ZMYM2: variants seen among roughly 807,000 people sequenced by gnomAD.
ZMYM2 encodes the protein zinc finger MYM-type protein 2.
A neutral mutation model predicts 162.8 loss-of-function variants in ZMYM2; 56 were observed. The observed-to-expected ratio is 0.34, with a 90% CI of 0.28 to 0.43. The LOEUF (loss-of-function observed/expected upper bound fraction) is 0.43, where lower values mean the gene tolerates loss of function less well. Among genes scored for constraint, ZMYM2 ranks in the 20% least tolerant of loss-of-function variants. The probability of loss-of-function intolerance (pLI) is 1.00; values close to 1 mark genes in which losing one functional copy is unlikely to be tolerated. For missense variants in ZMYM2, 1,275 were observed against 1,621.8 expected, an observed-to-expected ratio of 0.79 and a Z score of 3.67; for synonymous variants, 510 against 541.6, an observed-to-expected ratio of 0.94 and a Z score of 0.81.
At chr13:19,938,959 A>G in the ZMYM2 span, among the ~76,000 whole-genome samples, 3 of 151,966 alleles carry the variant, frequency 2.0e-5, no homozygotes, top group African/African-American at 4.8e-5. Context: ...TTCATGAATC[A>G]TGAATAAAAG....
At chr13:20,067,053 A>G (rs201833752) in intron 20 of ZMYM2, 34 bp downstream of exon 20, 19 of 1,534,474 alleles carry the variant, frequency 1.2e-5, no homozygotes, top group Non-Finnish European at 1.5e-5. Context: ...CCTAAGTCCT[A>G]TTTAAAATCA....
chr13:19,998,454 C>T (rs1401650227), intron 3 of ZMYM2, among the ~76,000 whole-genome samples: 1 of 152,110 alleles, frequency 6.6e-6, no homozygotes, highest in Admixed American at 6.5e-5. Flanking sequence ...CCCCGAGGAG[C>T]CACTATTTGT....
the ZMYM2 span, among the ~76,000 whole-genome samples, chr13:19,935,610 G>A: frequency 6.6e-6 from 1 of 151,800 alleles, no homozygotes; most frequent in Non-Finnish European, 1.5e-5. Context: ...ATCCTAATGG[G>A]TCTGAGGTAG....
At chr13:20,072,919 T>TC (rs970999527) in intron 21 of ZMYM2, among the ~76,000 whole-genome samples, 1 of 152,030 alleles carries the variant, frequency 6.6e-6, no homozygotes, top group African/African-American at 2.4e-5. Flanking sequence ...TAGTTCTTTT[T>TC]TTTTTTTGAG....
chr13:19,951,727 A>G, the ZMYM2 span, among the ~76,000 whole-genome samples: 8 of 151,990 alleles, frequency 5.3e-5, no homozygotes, highest in Non-Finnish European at 1.2e-4. Context: ...TAAGACAGAC[A>G]AAAGAATACA....
intron 17 of ZMYM2, 81 bp from the exon 18 acceptor site, chr13:20,062,765 G>C (rs1251929602): frequency 5.3e-6 from 7 of 1,322,768 alleles, no homozygotes; most frequent in Non-Finnish European, 7.0e-6. Context: ...AAAATTAAAT[G>C]ACTTGCTTTT....
At chr13:20,055,002 T>G (rs1475036286) in intron 14 of ZMYM2, among the ~76,000 whole-genome samples, 6 of 151,982 alleles carry the variant, frequency 3.9e-5, no homozygotes, top group Non-Finnish European at 8.8e-5. Flanking sequence ...GGTTGTTTTT[T>G]TTTTTTTTTT....
chr13:19,954,126 A>ATTTTTTTTTTT (rs781288600), upstream of ZMYM2, among the ~76,000 whole-genome samples: 16 of 64,912 alleles, frequency 2.5e-4, 4 homozygotes, highest in East Asian at 3.1e-3. Flanking sequence ...GCTATGTTTA[A>ATTTTTTTTTTT]TTTTTTTTTT....
chr13:20,060,818 C>T (rs1195335515), intron 16 of ZMYM2, among the ~76,000 whole-genome samples: 1 of 152,136 alleles, frequency 6.6e-6, no homozygotes, highest in Non-Finnish European at 1.5e-5. Flanking sequence ...TTATAGTCCC[C>T]TGGGGGACAG....
intron 12 of ZMYM2, among the ~76,000 whole-genome samples, chr13:20,045,489 C>T (rs1954684829): frequency 6.6e-6 from 1 of 152,172 alleles, no homozygotes; most frequent in Non-Finnish European, 1.5e-5. Context: ...GTGTTTATTT[C>T]AGTCTAAACA....
At chr13:19,943,185 A>G in the ZMYM2 span, among the ~76,000 whole-genome samples, 1 of 151,984 alleles carries the variant, frequency 6.6e-6, no homozygotes, top group Admixed American at 6.6e-5. Flanking sequence ...CTTCTCCCCA[A>G]GTTTCTCAGG....
chr13:19,886,910 C>A, the ZMYM2 span, among the ~76,000 whole-genome samples: 1 of 151,610 alleles, frequency 6.6e-6, no homozygotes, highest in Non-Finnish European at 1.5e-5. Flanking sequence ...GATGTGCCCG[C>A]CTTCGCCTCC....
intron 16 of ZMYM2, 149 bp downstream of exon 16, chr13:20,059,711 C>T (rs567580779): frequency 1.2e-5 from 8 of 641,630 alleles, no homozygotes; most frequent in Middle Eastern, 4.0e-4. Flanking sequence ...TAAATATGGG[C>T]GGCCCTCTAT....
chr13:19,928,306 CT>C, the ZMYM2 span, among the ~76,000 whole-genome samples: 2 of 152,018 alleles, frequency 1.3e-5, no homozygotes, highest in South Asian at 2.1e-4. Context: ...CCTGACCTGC[CT>C]TTTTTTTATT....
At chr13:19,986,962 G>A (rs528339605) in intron 2 of ZMYM2, among the ~76,000 whole-genome samples, 2 of 151,360 alleles carry the variant, frequency 1.3e-5, no homozygotes, top group African/African-American at 2.4e-5. Flanking sequence ...AAAATTAGCC[G>A]GTCATGGTGG....
chr13:20,066,708 G>A (rs1187246319), intron 19 of ZMYM2, 143 bp from the exon 20 acceptor site: 6 of 681,420 alleles, frequency 8.8e-6, no homozygotes, highest in African/African-American at 5.6e-5. Flanking sequence ...AAAAACATAC[G>A]TGTCCAAGTG....
Position 19,986,074 on chromosome 13 carries a change from C to T in ZMYM2, c.-10-6989C>T, listed in dbSNP as rs540493350. 5.9e-5 allele frequency among the ~76,000 whole-genome samples: 9 copies of T among 151,460 alleles called. No individual in the cohort carries two copies. The East Asian group carries it at 7.8e-4, about 13-fold the overall frequency. The stretch of plus-strand genomic sequence containing the variant: ...GCGTGTGGCGTGTGCCTGTGGTCCC[C>T]GTTACTCAGGAGTCTGAGACAGGAG... On this transcript the variant is annotated intron_variant, in intron 2 of 24. Coordinates refer to ENST00000610343, the MANE Select transcript of ZMYM2 (RefSeq NM_197968.4).
chr13:20,086,547 A>G lies in ZMYM2; in HGVS notation c.*533A>G. ...GTTTGGTTTTACATTTTAGTTACTG[A>G]AGCCTTACAAGGTTATGTAGAGAGA... is the stretch of plus-strand genomic sequence containing the variant. On this transcript the variant is annotated 3_prime_UTR_variant, in exon 25 of 25. Coordinates refer to ENST00000610343, the MANE Select transcript of ZMYM2 (RefSeq NM_197968.4). The G allele has an allele frequency of 4.8e-6, 1 of 209,938 alleles. No homozygotes were observed. The highest frequency in any genetic ancestry group is 9.7e-6 in the Non-Finnish European group (1 of 102,856). The allele number at this position is 209,938 out of a possible 1,614,324, so 13.0% of individuals were successfully genotyped here. A position where few individuals can be genotyped will look rare whatever the true frequency, so the allele number is the denominator to read the frequency against.
the ZMYM2 span, among the ~76,000 whole-genome samples, chr13:19,934,373 T>G: frequency 4.7e-4 from 71 of 152,142 alleles, no homozygotes; most frequent in Non-Finnish European, 8.4e-4. Context: ...TTGGTCAGGC[T>G]GGTCTTGAAC....
Sources: gnomAD v4.1 joint callset for allele counts (sites outside exome capture counted in the v4.1 genomes callset) on GRCh38, gnomAD v4.1.1 for gene constraint, MANE v1.5 for transcripts, NCBI Gene and HGNC (gene_info 2026-07-23, HGNC 2026-07-21) for gene names.